The following ATP2B1 variants were observed in gnomAD, a reference collection of about 807,000 sequenced individuals.
ATP2B1 encodes plasma membrane calcium-transporting ATPase 1.
ATP2B1 carries 14 observed loss-of-function variants against 124.2 expected under a neutral mutation model. That is an observed-to-expected ratio of 0.11 (90% CI 0.07 to 0.18). The LOEUF is 0.18. Ranked by LOEUF, ATP2B1 falls within the 10% of genes least tolerant of loss-of-function variation. ATP2B1 has a pLI of 1.00. For missense variants in ATP2B1, 763 were observed against 1,466.1 expected, an observed-to-expected ratio of 0.52 and a Z score of 7.83; for synonymous variants, 449 against 492.4, an observed-to-expected ratio of 0.91 and a Z score of 1.17.
intron 1 of ATP2B1, among the ~76,000 whole-genome samples, chr12:89,687,003 A>C (rs934865701): frequency 8.6e-5 from 13 of 152,026 alleles, no homozygotes; most frequent in African/African-American, 3.1e-4. Context: ...AATAGAAAAT[A>C]TTCGGGGGGA....
At chr12:89,660,984 T>C (rs1347842128) in intron 1 of ATP2B1, among the ~76,000 whole-genome samples, 1 of 152,158 alleles carries the variant, frequency 6.6e-6, no homozygotes, top group South Asian at 2.1e-4. Flanking sequence ...AAAACTAGTA[T>C]TTACAAAGGG....
rs1302114861 is a variant in ATP2B1 at position 89,588,388 on chromosome 12, G to C, written c.*2596C>G. 6.6e-6 allele frequency: 1 copy of C among 152,430 alleles called. No individual in the cohort carries two copies. Among genetic ancestry groups the C allele is most frequent in the East Asian group, 1.9e-4 (1 of 5,200 alleles). 9.4% of individuals were successfully genotyped at this position (152,430 alleles called of 1,614,324 possible). On this transcript the variant is annotated 3_prime_UTR_variant, in exon 21 of 21. Transcript: ENST00000428670. ...AAGTCTATTTACAACCACAAAAAAG[G>C]CAATGATGAGGAGAAAAGGATTTTT... is the stretch of plus-strand genomic sequence containing the variant.
rs547071716 is a variant in ATP2B1 at position 89,589,505 on chromosome 12, C to T, written c.*1479G>A. 2.9e-3 allele frequency: 436 copies of T among 152,144 alleles called. 1 individual carries two copies. Among genetic ancestry groups the T allele is most frequent in the African/African-American group, 1.0e-2 (415 of 41,506 alleles). 9.4% of individuals were successfully genotyped at this position (152,144 alleles called of 1,614,324 possible). A position where few individuals can be genotyped will look rare whatever the true frequency, so the allele number is the denominator to read the frequency against. On this transcript the variant is annotated 3_prime_UTR_variant, in exon 21 of 21. Transcript: ENST00000428670. ...TTTTACCTAATCTGTTATTTGGCCACTTAAGAATTAAAATAAATGTATCAA... is the reference window on the plus strand; with the variant it reads ...TTTTACCTAATCTGTTATTTGGCCATTTAAGAATTAAAATAAATGTATCAA...
intron 3 of ATP2B1, among the ~76,000 whole-genome samples, chr12:89,639,482 C>A (rs1405972162): frequency 6.6e-6 from 1 of 151,408 alleles, no homozygotes; most frequent in Non-Finnish European, 1.5e-5. Context: ...CCAGCCTGGG[C>A]GACACAGTGA....
intron 1 of ATP2B1, among the ~76,000 whole-genome samples, chr12:89,677,963 TATATATATACACACACACACACACACAC>T (rs1390648391): frequency 3.0e-5 from 3 of 100,898 alleles, no homozygotes; most frequent in African/African-American, 7.2e-5. Context: ...ATTATATATA[TATATATATACACACACACACACACACAC>T]ACACACACAC....
chr12:89,605,798 CA>C (rs1318463837), intron 15 of ATP2B1, among the ~76,000 whole-genome samples: 1 of 152,134 alleles, frequency 6.6e-6, no homozygotes, highest in African/African-American at 2.4e-5. Context: ...GACAGCTGTG[CA>C]GCAAGGCTAG....
chr12:89,609,888 A>AAACC (rs769653048), intron 15 of ATP2B1, 49 bp downstream of exon 15: 1 of 1,534,282 alleles, frequency 6.5e-7, no homozygotes, highest in Non-Finnish European at 9.0e-7. Flanking sequence ...ACAAACAAAC[A>AAACC]AACCAGTCAG....
In ATP2B1 at chr12:89,666,204, T is replaced by C. The variant is rs1887301775; in HGVS notation, c.-221-10097A>G. ...TTTAAGAGGATATCAGACAAGAATT[T>C]ATTTATGGTTAACTCACCAAAGTGC... On this transcript the variant is annotated intron_variant, in intron 1 of 20. Coordinates refer to ENST00000428670, the MANE Select transcript of ATP2B1 (RefSeq NM_001366521.1). 3.9e-5 allele frequency among the ~76,000 whole-genome samples: 6 copies of C among 152,004 alleles called. No homozygotes were observed. The South Asian group carries it at 1.2e-3, about 31-fold the overall frequency.
intron 1 of ATP2B1, among the ~76,000 whole-genome samples, chr12:89,698,755 G>C (rs1162772351): frequency 6.6e-6 from 1 of 152,216 alleles, no homozygotes; most frequent in Non-Finnish European, 1.5e-5. Flanking sequence ...TGGAGACACA[G>C]ACACAGCCAA....
intron 5 of ATP2B1, among the ~76,000 whole-genome samples, chr12:89,631,463 T>C (rs954235501): frequency 6.6e-6 from 1 of 152,192 alleles, no homozygotes; most frequent in South Asian, 2.1e-4. Flanking sequence ...CAAGCTTTCA[T>C]TCCAGCACGC....
Position 89,601,377 on chromosome 12 carries a change from T to G in ATP2B1, c.3117A>C (p.Glu1039Asp). ...KPFSCSELSI[E>D]QWLWSIFLGM... ...CTAGGAATATTGACCATAGCCACTGTTCTATTGAAAGTTCTGAACAACTGA... is the reference window on the plus strand; with the variant it reads ...CTAGGAATATTGACCATAGCCACTGGTCTATTGAAAGTTCTGAACAACTGA... Residue 1039 changes from glutamate (E) to aspartate (D), a missense_variant, in exon 19 of 21, where the codon GAA (glutamate) becomes GAC (aspartate). Glu to Asp is a conservative substitution (Grantham distance 45). Around this residue, in one of 7 missense-constraint regions of ATP2B1, gnomAD observed 118 missense variants for 240.3 expected, o/e 0.49. Coordinates refer to ENST00000428670, the MANE Select transcript of ATP2B1 (RefSeq NM_001366521.1). The G allele has an allele frequency of 1.9e-6, 3 of 1,577,956 alleles. No individual in the cohort carries two copies. The Middle Eastern group carries it at 5.0e-4, about 264-fold the overall frequency.
chr12:89,599,600 T>A (rs1220743321), intron 19 of ATP2B1, among the ~76,000 whole-genome samples: 1 of 152,212 alleles, frequency 6.6e-6, no homozygotes, highest in Admixed American at 6.5e-5. Context: ...CTCTGATATA[T>A]GTATTTACTT....
chr12:89,626,414 CTTAAAAA>C (rs760883787), intron 8 of ATP2B1, 33 bp downstream of exon 8: 1 of 1,540,510 alleles, frequency 6.5e-7, no homozygotes, highest in African/African-American at 1.4e-5. Flanking sequence ...AGAAAGCATA[CTTAAAAA>C]TAAAACACTT....
At chr12:89,616,621 A>T (rs1177556921) in intron 12 of ATP2B1, among the ~76,000 whole-genome samples, 181 bp downstream of exon 12, 1 of 152,184 alleles carries the variant, frequency 6.6e-6, no homozygotes, top group Non-Finnish European at 1.5e-5. Context: ...CACTGTCTTT[A>T]AAAACCATAA....
At chr12:89,615,818 T>C (rs1419795398) in intron 12 of ATP2B1, among the ~76,000 whole-genome samples, 2 of 152,234 alleles carry the variant, frequency 1.3e-5, no homozygotes, top group Admixed American at 1.3e-4. Context: ...ACACTAGGTC[T>C]ATGCTCTATA....
At chr12:89,660,093 T>C (rs763266563) in intron 1 of ATP2B1, among the ~76,000 whole-genome samples, 50 of 152,252 alleles carry the variant, frequency 3.3e-4, no homozygotes, top group Non-Finnish European at 6.3e-4. Context: ...ATGAGATTTT[T>C]GCAGGCAAGA....
chr12:89,627,633 T>C, intron 7 of ATP2B1, 45 bp downstream of exon 7: 1 of 1,594,350 alleles, frequency 6.3e-7, no homozygotes, highest in Middle Eastern at 1.9e-4. Flanking sequence ...GATTTTTGGA[T>C]ATAATGAAAA....
chr12:89,708,874 G>C (rs1285872717), upstream of ATP2B1: 1 of 152,052 alleles, frequency 6.6e-6, no homozygotes, highest in African/African-American at 2.4e-5. Flanking sequence ...AGGAGGAGGC[G>C]GCGCCCGGCC....
At chr12:89,677,958 A>ATATATATATG (rs1219273980) in intron 1 of ATP2B1, among the ~76,000 whole-genome samples, 1,051 of 30,164 alleles carry the variant, frequency 0.035, 74 homozygotes, top group African/African-American at 0.088. Flanking sequence ...CAGGAATTAT[A>ATATATATATG]TATATATATA....
Sources: allele counts gnomAD v4.1 joint callset (sites outside exome capture counted in the v4.1 genomes callset), GRCh38; gene constraint gnomAD v4.1.1; regional missense constraint gnomAD v4.1.1; transcripts MANE v1.5; gene names NCBI Gene and HGNC (gene_info 2026-07-23, HGNC 2026-07-21).